The following TMEM14C variants were observed in gnomAD, a reference collection of about 807,000 sequenced individuals.
The protein encoded by TMEM14C is chromosome 6 open reading frame 53.
A neutral mutation model predicts 14.8 loss-of-function variants in TMEM14C; 13 were observed. The observed-to-expected ratio is 0.88, with a 90% CI of 0.57 to 1.40. TMEM14C has a LOEUF of 1.40. Ranked by LOEUF, TMEM14C falls within the 40% of genes most tolerant of loss-of-function variation. The pLI, the probability that TMEM14C is intolerant of heterozygous loss-of-function variation, is 0.00. For missense variants in TMEM14C, 142 were observed against 138.8 expected, an observed-to-expected ratio of 1.02 and a Z score of -0.12; for synonymous variants, 57 against 51.3, an observed-to-expected ratio of 1.11 and a Z score of -0.48.
At chr6:10,726,089 G>A in intron 4 of TMEM14C, 81 bp downstream of exon 4, 1 of 1,510,006 alleles carries the variant, frequency 6.6e-7, no homozygotes, top group Non-Finnish European at 9.2e-7. Flanking sequence ...TGGTGGGATG[G>A]GGTGAGTTCT....
At chr6:10,728,858 C>T in intron 5 of TMEM14C, 131 bp downstream of exon 5, 1 of 1,533,464 alleles carries the variant, frequency 6.5e-7, no homozygotes, top group Non-Finnish European at 8.8e-7. Context: ...GATATATACA[C>T]TAATAGGAAA....
chr6:10,724,552 C>G lies in TMEM14C; in HGVS notation c.-44-18C>G, dbSNP rs1173558475. On this transcript the variant is annotated intron_variant, in intron 1 of 5. Transcript: ENST00000229563. ...AGCTGTGCTTTTAACTACCTCTGAT[C>G]CAGCTTGTTTTCTGCAGGTGCAGGC... 1 of 1,582,150 alleles carries G rather than the reference C, an allele frequency of 6.3e-7. No homozygotes were observed. Among genetic ancestry groups the G allele is most frequent in the African/African-American group, 1.3e-5 (1 of 74,360 alleles).
Position 10,730,765 on chromosome 6 carries a change from C to G in TMEM14C, c.*99C>G. 1 of 1,424,182 alleles carries G rather than the reference C, an allele frequency of 7.0e-7. No individual in the cohort carries two copies. 88.2% of individuals were successfully genotyped at this position (1,424,182 alleles called of 1,614,324 possible). On this transcript the variant is annotated 3_prime_UTR_variant, in exon 6 of 6. Transcript: ENST00000229563. ...AGAAATAAGTGCAGCATTTTTGCATCTGACATTTTACCTAAAAAAAAAGAC... is the reference window on the plus strand; with the variant it reads ...AGAAATAAGTGCAGCATTTTTGCATGTGACATTTTACCTAAAAAAAAAGAC...
chr6:10,730,624 G>C lies in TMEM14C; in HGVS notation c.297G>C (p.Met99Ile), dbSNP rs1236615371. ...TGTTTCTTTTAAACAGTTTGCTGATGGTCGCCAAAGTTGGAGTTAGTATGT... is the reference window on the plus strand; with the variant it reads ...TGTTTCTTTTAAACAGTTTGCTGATCGTCGCCAAAGTTGGAGTTAGTATGT... The part of the protein sequence containing the change: ...AGLIAGASLL[M>I]VAKVGVSMFN... The change falls in exon 6 of 6, where the codon ATG (methionine) becomes ATC (isoleucine). Residue 99 changes from methionine (M) to isoleucine (I), a missense_variant. Transcript: ENST00000229563. The C allele has an allele frequency of 1.2e-6, 2 of 1,612,234 alleles. No individual in the cohort carries two copies. The highest frequency in any genetic ancestry group is 1.7e-6 in the Non-Finnish European group (2 of 1,178,834).
intron 2 of TMEM14C, 63 bp downstream of exon 2, chr6:10,724,696 A>T: frequency 1.3e-6 from 2 of 1,516,674 alleles, no homozygotes; most frequent in Non-Finnish European, 1.8e-6. Flanking sequence ...TCCTTTCCTT[A>T]GCTGAAAAGA....
Position 10,731,038 on chromosome 6 carries a change from T to A in TMEM14C, c.*372T>A, listed in dbSNP as rs2127489733. 1.0e-6 allele frequency: 1 copy of A among 991,674 alleles called. No individual in the cohort carries two copies. The highest frequency in any genetic ancestry group is 1.7e-5 in the African/African-American group (1 of 57,632). The allele number at this position is 991,674 out of a possible 1,614,324, so 61.4% of individuals were successfully genotyped here. ...AAAAAGTCTTTTAGGAGATTTACAATATCTGTTCTTTTGCTCATCTTAGAC... is the reference window on the plus strand; with the variant it reads ...AAAAAGTCTTTTAGGAGATTTACAAAATCTGTTCTTTTGCTCATCTTAGAC... On this transcript the variant is annotated 3_prime_UTR_variant, in exon 6 of 6. Coordinates refer to ENST00000229563, the MANE Select transcript of TMEM14C (RefSeq NM_016462.4).
intron 2 of TMEM14C, 118 bp from the exon 3 acceptor site, chr6:10,724,843 G>A (rs1056386956): frequency 4.3e-6 from 6 of 1,397,670 alleles, no homozygotes; most frequent in East Asian, 2.3e-5. Context: ...AACCTCTGTG[G>A]TCCTTATTTT....
intron 4 of TMEM14C, 127 bp from the exon 5 acceptor site, chr6:10,728,513 G>A (rs1770932755): frequency 9.9e-7 from 1 of 1,008,928 alleles, no homozygotes; most frequent in South Asian, 1.6e-5. Context: ...TCCCCGACTT[G>A]GGGAAAGAGG....
chr6:10,728,806 A>G (rs753328318), intron 5 of TMEM14C, 79 bp downstream of exon 5: 1 of 1,601,124 alleles, frequency 6.2e-7, no homozygotes, highest in Non-Finnish European at 8.5e-7. Flanking sequence ...TCAAAACCTT[A>G]CTTGTTTCAG....
rs1436633576 is a variant in TMEM14C at position 10,724,622 on chromosome 6, C to T, written c.9C>T (p.Asp3=). 6.2e-7 allele frequency: 1 copy of T among 1,612,560 alleles called. No homozygotes were observed. The highest frequency in any genetic ancestry group is 1.1e-5 in the South Asian group (1 of 90,862). The change falls in exon 2 of 6, where the codon GAC becomes GAT. Residue 3 remains aspartate, a synonymous_variant. Transcript: ENST00000229563. The part of the protein sequence containing the change: MQ[D]TGSVVPLHWF... ...GGACAGAGAAGAGAAAAATGCAGGA[C>T]ACTGGCTCAGTGTGAGTGCAGTAAA...
chr6:10,725,352 A>T (rs1428937143), intron 3 of TMEM14C, among the ~76,000 whole-genome samples: 1 of 152,176 alleles, frequency 6.6e-6, no homozygotes, highest in African/African-American at 2.4e-5. Flanking sequence ...TCTGGGCTCA[A>T]GTAGGAGGAA....
chr6:10,725,817 GTCC>G (rs764678535), intron 3 of TMEM14C, 87 bp from the exon 4 acceptor site: 5 of 1,520,792 alleles, frequency 3.3e-6, no homozygotes, highest in East Asian at 2.3e-5. Flanking sequence ...TCTCTGTGCT[GTCC>G]TCCTTTGTAG....
Position 10,730,619 on chromosome 6 carries a change from C to A in TMEM14C, c.292C>A (p.Leu98Met). The change falls in exon 6 of 6, where the codon CTG (leucine) becomes ATG (methionine). Residue 98 changes from leucine (L) to methionine (M), a missense_variant. Coordinates refer to ENST00000229563, the MANE Select transcript of TMEM14C (RefSeq NM_016462.4). ...TATCTTGTTTCTTTTAAACAGTTTGCTGATGGTCGCCAAAGTTGGAGTTAG... is the reference window on the plus strand; with the variant it reads ...TATCTTGTTTCTTTTAAACAGTTTGATGATGGTCGCCAAAGTTGGAGTTAG... ...PAGLIAGASL[L>M]MVAKVGVSMF... 1 of 1,612,286 alleles carries A rather than the reference C, an allele frequency of 6.2e-7. No homozygotes were observed. The highest frequency in any genetic ancestry group is 8.5e-7 in the Non-Finnish European group (1 of 1,178,896).
chr6:10,725,823 C>A, intron 3 of TMEM14C, 84 bp from the exon 4 acceptor site: 1 of 1,561,738 alleles, frequency 6.4e-7, no homozygotes, highest in Non-Finnish European at 8.8e-7. Context: ...TGCTGTCCTC[C>A]TTTGTAGGGC....
At position 10,728,692 on chromosome 6, in the gene TMEM14C, A is replaced by G; in HGVS notation, c.252A>G (p.Gly84=). 2 of 1,614,204 alleles carry G rather than the reference A, an allele frequency of 1.2e-6. No homozygotes were observed. The highest frequency in any genetic ancestry group is 1.1e-5 in the South Asian group (1 of 91,080). The change falls in exon 5 of 6, where the codon GGA becomes GGG. Residue 84 remains glycine (G), a synonymous_variant. Coordinates refer to ENST00000229563, the MANE Select transcript of TMEM14C (RefSeq NM_016462.4). ...GIMGMRFYHS[G]KFMPAGLIAG... is the part of the protein sequence containing the mutation. Reference sequence around the variant, plus strand: ...TGGGAATGAGGTTCTACCACTCTGGAAAATTCATGCCTGCAGGTTTAATTG... The same window carrying G: ...TGGGAATGAGGTTCTACCACTCTGGGAAATTCATGCCTGCAGGTTTAATTG...
chr6:10,728,316 CGTCTGCA>C (rs779070209), intron 4 of TMEM14C, among the ~76,000 whole-genome samples: 38 of 151,422 alleles, frequency 2.5e-4, no homozygotes, highest in South Asian at 1.7e-3. Context: ...GAGGAAGTAG[CGTCTGCA>C]GGGCGTGAGA....
At chr6:10,730,528 T>G in intron 5 of TMEM14C, 87 bp from the exon 6 acceptor site, 1 of 1,331,848 alleles carries the variant, frequency 7.5e-7, no homozygotes, top group Non-Finnish European at 1.1e-6. Flanking sequence ...CACGCAGTTG[T>G]GAGGAACCAG....
intron 1 of TMEM14C, among the ~76,000 whole-genome samples, chr6:10,723,584 A>G (rs577889940): frequency 3.3e-4 from 47 of 143,508 alleles, no homozygotes; most frequent in African/African-American, 1.1e-3. Flanking sequence ...TGTTTTATGG[A>G]AACTTAATTC....
Position 10,730,719 on chromosome 6 carries a change from C to T in TMEM14C, c.*53C>T. ...TGAAGAATTAAAAATCTGCATCTTC[C>T]ACTATTTTCAATATATTAAGAGAAA... On this transcript the variant is annotated 3_prime_UTR_variant, in exon 6 of 6. Transcript: ENST00000229563. 1 of 1,534,574 alleles carries T rather than the reference C, an allele frequency of 6.5e-7. No homozygotes were observed. Among genetic ancestry groups the T allele is most frequent in the South Asian group, 1.3e-5 (1 of 79,348 alleles).
Sources: allele counts gnomAD v4.1 joint callset (sites outside exome capture counted in the v4.1 genomes callset), GRCh38; gene constraint gnomAD v4.1.1; transcripts MANE v1.5; gene names NCBI Gene and HGNC (gene_info 2026-07-23, HGNC 2026-07-21).